The following ANO3 variants were observed in gnomAD, a reference collection of about 807,000 sequenced individuals.
The protein encoded by ANO3 is anoctamin-3.
A neutral mutation model predicts 144.8 loss-of-function variants in ANO3; 99 were observed. That is an observed-to-expected ratio of 0.68 (90% CI 0.58 to 0.81). The LOEUF is 0.81. ANO3 is among the 30% of genes least tolerant of loss of function. The pLI is 0.00. For missense variants in ANO3, 905 were observed against 1,202.2 expected (o/e 0.75, Z 3.66); for synonymous variants, 414 against 392.6 (o/e 1.05, Z -0.64).
chr11:26,656,514 G>T (rs377661483), intron 26 of ANO3, 33 bp downstream of exon 26: 1 of 1,324,180 alleles, frequency 7.6e-7, no homozygotes, highest in Non-Finnish European at 1.1e-6. Context: ...AATTACTATA[G>T]ATAAATGCTT....
chr11:26,483,199 G>A (rs1435824750), intron 4 of ANO3, among the ~76,000 whole-genome samples: 2 of 151,736 alleles, frequency 1.3e-5, no homozygotes, highest in Admixed American at 1.3e-4. Flanking sequence ...GCCTGTAAAC[G>A]TTCCCTTTTC....
At chr11:26,630,261 A>G (rs369946404) in intron 18 of ANO3, among the ~76,000 whole-genome samples, 1 of 152,236 alleles carries the variant, frequency 6.6e-6, no homozygotes, top group African/African-American at 2.4e-5. Context: ...TGTAAAAACC[A>G]GAGTTTAAAA....
rs138261496 is a variant in ANO3 at position 26,260,355 on chromosome 11, G to T, written c.155-49290G>T. 4.5e-4 allele frequency among the ~76,000 whole-genome samples: 68 copies of T among 152,268 alleles called. 2 individuals are homozygous for T. The East Asian group carries it at 0.012, about 27-fold the overall frequency. On this transcript the variant is annotated intron_variant, in intron 1 of 27. Transcript: ENST00000672621. ...ATTATCTAATCTTCACAGCATGCCTGTGAAGTACAATTACTACTTTTTACA... is the reference window on the plus strand; with the variant it reads ...ATTATCTAATCTTCACAGCATGCCTTTGAAGTACAATTACTACTTTTTACA...
intron 1 of ANO3, among the ~76,000 whole-genome samples, chr11:26,402,286 A>C (rs1486745391): frequency 6.6e-6 from 1 of 151,974 alleles, no homozygotes; most frequent in Non-Finnish European, 1.5e-5. Context: ...TTTCTCCACA[A>C]CTTCGCCAGT....
chr11:26,487,511 G>A (rs1315700757), intron 4 of ANO3, among the ~76,000 whole-genome samples: 1 of 152,182 alleles, frequency 6.6e-6, no homozygotes, highest in African/African-American at 2.4e-5. Context: ...AAATGTGGAA[G>A]TGACTTTGGA....
At position 26,389,621 on chromosome 11, in the gene ANO3, G is replaced by T. The variant is rs897532972; in HGVS notation, c.47-52297G>T. Among the ~76,000 whole-genome samples the T allele has an allele frequency of 3.3e-5, 5 of 151,852 alleles. No homozygotes were observed. The East Asian group carries it at 9.6e-4, about 29-fold the overall frequency. ...TTATGAACTATATAACATTTGAAAA[G>T]AATTTTTTGATTCCTATGAAAAGTC... On this transcript the variant is annotated intron_variant, in intron 1 of 26. Transcript: ENST00000256737.
chr11:26,546,037 T>C (rs1849778666), intron 11 of ANO3, among the ~76,000 whole-genome samples: 1 of 151,546 alleles, frequency 6.6e-6, no homozygotes, highest in Non-Finnish European at 1.5e-5. Context: ...CTGATATAGA[T>C]AATACTGTCT....
intron 1 of ANO3, among the ~76,000 whole-genome samples, chr11:26,209,091 A>G (rs1476093843): frequency 6.6e-6 from 1 of 152,080 alleles, no homozygotes; most frequent in Non-Finnish European, 1.5e-5. Context: ...GGTTTGCTGC[A>G]CTCATCAACC....
At chr11:26,491,598 G>A (rs950325016) in intron 4 of ANO3, among the ~76,000 whole-genome samples, 1 of 152,148 alleles carries the variant, frequency 6.6e-6, no homozygotes, top group African/African-American at 2.4e-5. Context: ...GAGGCCACAC[G>A]AGGTGTCAGG....
chr11:26,542,741 G>A (rs950876509), intron 11 of ANO3, among the ~76,000 whole-genome samples: 2 of 151,926 alleles, frequency 1.3e-5, no homozygotes, highest in South Asian at 2.1e-4. Context: ...TTGTATTCAC[G>A]ATTTATATCA....
At chr11:26,198,981 T>A (rs1340267666) in intron 1 of ANO3, among the ~76,000 whole-genome samples, 1 of 152,210 alleles carries the variant, frequency 6.6e-6, no homozygotes, top group East Asian at 1.9e-4. Context: ...AAAAGATGCA[T>A]GTTCTAAAGT....
chr11:26,414,224 G>T (rs1019876096), intron 1 of ANO3, among the ~76,000 whole-genome samples: 1 of 152,042 alleles, frequency 6.6e-6, no homozygotes, highest in African/African-American at 2.4e-5. Flanking sequence ...ATTTGACCCA[G>T]CAATCCCATT....
At chr11:26,364,030 T>C (rs1855997891) in intron 1 of ANO3, among the ~76,000 whole-genome samples, 1 of 152,174 alleles carries the variant, frequency 6.6e-6, no homozygotes, top group African/African-American at 2.4e-5. Context: ...ATTTGTGATA[T>C]TACTTAGAAG....
At chr11:26,222,565 G>A (rs1852168675) in intron 1 of ANO3, among the ~76,000 whole-genome samples, 1 of 152,220 alleles carries the variant, frequency 6.6e-6, no homozygotes, top group African/African-American at 2.4e-5. Context: ...CCTTAGTAGA[G>A]TATCTCTCTG....
intron 14 of ANO3, chr11:26,563,100 T>G (rs1850358608): frequency 1.2e-6 from 2 of 1,610,350 alleles, no homozygotes; most frequent in Non-Finnish European, 8.5e-7. Context: ...GGTGAAGTAT[T>G]GAAAATAGAT....
rs1468754115 is a variant in ANO3 at position 26,563,391 on chromosome 11, CTCTCTGTG to C, written c.1447+3614_1447+3621del. On this transcript the variant is annotated intron_variant, in intron 14 of 26. Coordinates refer to ENST00000256737, the MANE Select transcript of ANO3 (RefSeq NM_031418.4). Reference sequence around the variant, plus strand: ...TAAAATTAGATAATGGTGTGTTTCTCTCTCTGTGTGTGTGTGTGTGTGTGTGTGTGTGT... The same window carrying C: ...TAAAATTAGATAATGGTGTGTTTCTCTGTGTGTGTGTGTGTGTGTGTGTGT... The C allele has an allele frequency of 1.0e-4, 86 of 840,840 alleles. No homozygotes were observed. In the Middle Eastern group the frequency reaches 1.5e-3, roughly 14 times the overall value. The allele number at this position is 840,840 out of a possible 1,614,324, so 52.1% of individuals were successfully genotyped here.
rs1440881063 is a variant in ANO3 at position 26,284,920 on chromosome 11, G to T, written c.155-24725G>T. On this transcript the variant is annotated intron_variant, in intron 1 of 27. Transcript: ENST00000672621. ...ACTCCGTCTCAAAAGAAAAGAAAAA[G>T]ATGCATATTTTGAATACTCATCTTT... Among the ~76,000 whole-genome samples the T allele has an allele frequency of 2.6e-5, 4 of 152,158 alleles. No individual in the cohort carries two copies. The East Asian group carries it at 7.7e-4, about 29-fold the overall frequency.
intron 6 of ANO3, among the ~76,000 whole-genome samples, chr11:26,518,054 A>G (rs1189486303): frequency 6.6e-6 from 1 of 152,062 alleles, no homozygotes; most frequent in African/African-American, 2.4e-5. Context: ...ATAGTTCCTC[A>G]AGGATCTTGG....
intron 1 of ANO3, among the ~76,000 whole-genome samples, chr11:26,213,535 C>T (rs1851977378): frequency 6.6e-6 from 1 of 152,032 alleles, no homozygotes; most frequent in African/African-American, 2.4e-5. Context: ...ACAATTGCTA[C>T]AAGAGAATAA....
Sources: allele counts gnomAD v4.1 joint callset (sites outside exome capture counted in the v4.1 genomes callset), GRCh38; gene constraint gnomAD v4.1.1; transcripts MANE v1.5; gene names NCBI Gene and HGNC (gene_info 2026-07-23, HGNC 2026-07-21).